ZNF469: variants seen among roughly 807,000 people sequenced by gnomAD.
ZNF469 encodes the protein zinc finger protein 469.
In ZNF469, 1 loss-of-function variant was observed where a neutral mutation model predicts 1.0. That is an observed-to-expected ratio of 1.00 (90% CI 0.35 to 4.73). The LOEUF (loss-of-function observed/expected upper bound fraction) is 4.73, where lower values mean the gene tolerates loss of function less well. Ranked by LOEUF, ZNF469 falls within the 30% of genes most tolerant of loss-of-function variation. ZNF469 has a pLI of 0.16. For missense variants in ZNF469, 6,100 were observed against 5,356.3 expected (o/e 1.14, Z -4.33); for synonymous variants, 2,703 against 2,363.4 (o/e 1.14, Z -4.17).
chr16:88,429,815 T>A lies in ZNF469; in HGVS notation c.2345T>A (p.Val782Asp), dbSNP rs535983876. Residue 782 changes from valine to aspartate, a missense_variant, in exon 3 of 3, where the codon GTC (valine) becomes GAC (aspartate). Transcript: ENST00000565624. Reference protein sequence around the residue: ...GLPSPPAAPRVPADAHAGLLS... With the variant: ...GLPSPPAAPRDPADAHAGLLS... ...CCCTCGCCCCCCGCTGCCCCCAGAGTCCCTGCCGACGCACACGCGGGCTTG... is the reference window on the plus strand; with the variant it reads ...CCCTCGCCCCCCGCTGCCCCCAGAGACCCTGCCGACGCACACGCGGGCTTG... The A allele has an allele frequency of 6.5e-7, 1 of 1,544,362 alleles. No individual in the cohort carries two copies. The highest frequency in any genetic ancestry group is 8.7e-7 in the Non-Finnish European group (1 of 1,143,492).
intron 1 of ZNF469, among the ~76,000 whole-genome samples, chr16:88,389,084 A>T (rs1436125319): frequency 6.6e-6 from 1 of 152,190 alleles, no homozygotes; most frequent in African/African-American, 2.4e-5. Flanking sequence ...CAGGATATTC[A>T]CAAGGTTGTA....
chr16:88,292,108 C>T, the ZNF469 span, among the ~76,000 whole-genome samples: 49 of 152,246 alleles, frequency 3.2e-4, 1 homozygote, highest in East Asian at 2.5e-3. Flanking sequence ...AAGGGGGTGC[C>T]ATGTGGGGCC....
the ZNF469 span, among the ~76,000 whole-genome samples, chr16:88,368,277 G>A: frequency 6.6e-6 from 1 of 152,206 alleles, no homozygotes; most frequent in Non-Finnish European, 1.5e-5. Context: ...TACTGAGGAG[G>A]GCGTAAGAGC....
At chr16:88,168,933 C>T in the ZNF469 span, among the ~76,000 whole-genome samples, 3 of 151,762 alleles carry the variant, frequency 2.0e-5, no homozygotes, top group Non-Finnish European at 4.4e-5. The surrounding 1 kb of genome is among the most constrained non-coding windows in gnomAD (Gnocchi z 4.3). Flanking sequence ...CCCCCCTCTA[C>T]AAAAAATAAG....
the ZNF469 span, among the ~76,000 whole-genome samples, chr16:88,299,606 G>T: frequency 6.6e-6 from 1 of 152,302 alleles, no homozygotes; most frequent in Non-Finnish European, 1.5e-5. Flanking sequence ...CGGTGTGGGC[G>T]GTGGCAGTCT....
the ZNF469 span, among the ~76,000 whole-genome samples, chr16:88,338,536 A>G: frequency 2.0e-4 from 30 of 152,316 alleles, no homozygotes; most frequent in East Asian, 1.9e-3. Context: ...TGAGAACCAC[A>G]GAGCCCCCAA....
chr16:88,420,459 G>A (rs1905424074), intron 1 of ZNF469, among the ~76,000 whole-genome samples: 1 of 152,362 alleles, frequency 6.6e-6, no homozygotes, highest in Admixed American at 6.5e-5. Flanking sequence ...TCCATTTACA[G>A]TTGGTGAAAC....
the ZNF469 span, among the ~76,000 whole-genome samples, chr16:88,292,983 T>C: frequency 6.6e-6 from 1 of 152,190 alleles, no homozygotes; most frequent in Non-Finnish European, 1.5e-5. Flanking sequence ...TTCCTCATCC[T>C]TCACACAGAA....
In ZNF469 at chr16:88,427,262, C is replaced by T. The variant is rs1054919856; in HGVS notation, c.-126-83C>T. Among the ~76,000 whole-genome samples, 24 of 152,168 alleles carry T rather than the reference C, an allele frequency of 1.6e-4. 1 individual carries two copies. The highest frequency in any genetic ancestry group is 1.4e-3 in the Admixed American group (22 of 15,290). ...CTTCTGCTTCTGGCCCGGCCACACC[C>T]GCATGGAGAGCCTAGAAGCTCCCTG... is the stretch of plus-strand genomic sequence containing the variant. On this transcript the variant is annotated intron_variant, in intron 2 of 2. Coordinates refer to ENST00000565624, the MANE Select transcript of ZNF469 (RefSeq NM_001367624.2).
At chr16:88,304,842 G>A in the ZNF469 span, among the ~76,000 whole-genome samples, 2 of 152,320 alleles carry the variant, frequency 1.3e-5, no homozygotes, top group Middle Eastern at 3.4e-3. Flanking sequence ...CCAAAGCAAG[G>A]GACCCAGGTG....
chr16:88,120,823 C>A, the ZNF469 span, among the ~76,000 whole-genome samples: 1 of 152,144 alleles, frequency 6.6e-6, no homozygotes, highest in South Asian at 2.1e-4. Context: ...ACGCCCGTGT[C>A]GAGGGCAGTT....
chr16:88,131,938 C>T, the ZNF469 span, among the ~76,000 whole-genome samples: 3 of 152,230 alleles, frequency 2.0e-5, no homozygotes, highest in Non-Finnish European at 4.4e-5. Flanking sequence ...CCTTGCCAGC[C>T]TCTAATGGCT....
the ZNF469 span, among the ~76,000 whole-genome samples, chr16:88,284,148 C>CAA: frequency 9.5e-5 from 14 of 147,814 alleles, 1 homozygote; most frequent in Admixed American, 8.7e-4. Flanking sequence ...CCAGTGTGCC[C>CAA]GAGGTCTGCG....
At chr16:88,380,397 C>CAGT (rs2092518387), upstream of ZNF469, among the ~76,000 whole-genome samples, 1 of 73,734 alleles carries the variant, frequency 1.4e-5, no homozygotes, top group Non-Finnish European at 2.2e-5. Flanking sequence ...ACAGACACGC[C>CAGT]CTCACACAGA....
At chr16:88,224,627 G>A in the ZNF469 span, among the ~76,000 whole-genome samples, 3 of 152,350 alleles carry the variant, frequency 2.0e-5, no homozygotes, top group Admixed American at 6.5e-5. Flanking sequence ...GCAGGAGGGC[G>A]TCTGGGCTGC....
Position 88,434,845 on chromosome 16 carries a change from G to C in ZNF469, c.7375G>C (p.Glu2459Gln), listed in dbSNP as rs752904821. The stretch of plus-strand genomic sequence containing the variant: ...CTATAAAAAGAAGCCTGCATCTACA[G>C]AGAACGGCCAGTGGAAGGGCCAAGC... The part of the protein sequence containing the change: ...RGYKKKPAST[E>Q]NGQWKGQAPH... The change falls in exon 3 of 3, where the codon GAG becomes CAG. Residue 2459 changes from glutamate to glutamine, a missense_variant. Glu to Gln is a conservative substitution (Grantham distance 29). Coordinates refer to ENST00000565624, the MANE Select transcript of ZNF469 (RefSeq NM_001367624.2). 6.5e-7 allele frequency: 1 copy of C among 1,550,368 alleles called. No homozygotes were observed. Among genetic ancestry groups the C allele is most frequent in the Non-Finnish European group, 8.7e-7 (1 of 1,146,982 alleles).
the ZNF469 span, among the ~76,000 whole-genome samples, chr16:88,226,018 C>T: frequency 5.4e-4 from 82 of 152,198 alleles, no homozygotes; most frequent in Non-Finnish European, 9.1e-4. Flanking sequence ...CCAGGATGGT[C>T]GCCCCCCACC....
the ZNF469 span, among the ~76,000 whole-genome samples, chr16:88,250,910 C>T: frequency 1.3e-5 from 2 of 152,146 alleles, no homozygotes; most frequent in Non-Finnish European, 2.9e-5. Flanking sequence ...TGGGGTATTG[C>T]TCTGTCCCAC....
At position 88,435,857 on chromosome 16, in the gene ZNF469, C is replaced by G. The variant is rs886052412; in HGVS notation, c.8387C>G (p.Pro2796Arg). Residue 2796 changes from proline to arginine, a missense_variant, in exon 3 of 3, where the codon CCC becomes CGC. By Grantham distance (103) the Pro-to-Arg change is moderately radical. Transcript: ENST00000565624. ...EEGVWEENTP[P>R]LGPLGFPETS... ...GGTGTCTGGGAGGAGAACACGCCCC[C>G]CTTGGGCCCCCTGGGTTTTCCCGAG... The G allele has an allele frequency of 7.3e-5, 113 of 1,550,338 alleles. 1 individual carries two copies. In the Middle Eastern group the frequency reaches 8.4e-4, roughly 11 times the overall value.
Sources: allele counts gnomAD v4.1 joint callset (sites outside exome capture counted in the v4.1 genomes callset), GRCh38; gene constraint gnomAD v4.1.1; non-coding constraint Gnocchi (gnomAD v3.1); transcripts MANE v1.5; gene names NCBI Gene and HGNC (gene_info 2026-07-23, HGNC 2026-07-21).